The following FMN1 variants were observed in gnomAD, a reference collection of about 807,000 sequenced individuals.
The protein encoded by FMN1 is formin-1.
A neutral mutation model predicts 132.4 loss-of-function variants in FMN1; 110 were observed. The observed-to-expected ratio is 0.83, with a 90% CI of 0.71 to 0.97. FMN1 has a LOEUF of 0.97. FMN1 is among the 50% of genes least tolerant of loss of function. The pLI is 0.00. For missense variants in FMN1, 1,792 were observed against 1,705.3 expected (o/e 1.05, Z -0.90); for synonymous variants, 722 against 651.7 (o/e 1.11, Z -1.64).
chr15:33,002,016 G>A (rs343921), intron 7 of FMN1, among the ~76,000 whole-genome samples: 98,712 of 151,922 alleles, frequency 0.65, 34,790 homozygotes, highest in East Asian at 0.88. Flanking sequence ...ACAATTAAGT[G>A]ATTTCCCTTC....
At chr15:33,191,868 A>G (rs927582079) in intron 2 of FMN1, among the ~76,000 whole-genome samples, 8 of 152,216 alleles carry the variant, frequency 5.3e-5, no homozygotes, top group African/African-American at 1.9e-4. Context: ...GCGTCTCTGC[A>G]AGATCAGGCA....
intron 2 of FMN1, among the ~76,000 whole-genome samples, chr15:33,186,428 C>T (rs1479711583): frequency 6.6e-6 from 1 of 152,052 alleles, no homozygotes; most frequent in Non-Finnish European, 1.5e-5. Flanking sequence ...ATATTTCTGA[C>T]TGTTCTCTAG....
At chr15:32,926,094 G>A in intron 10 of FMN1, 80 bp downstream of exon 10, 1 of 771,110 alleles carries the variant, frequency 1.3e-6, no homozygotes, top group East Asian at 2.7e-5. Context: ...TTCTAACTTT[G>A]TATGTGTTTG....
chr15:32,818,616 G>T (rs1173752112), intron 17 of FMN1, among the ~76,000 whole-genome samples: 1 of 152,154 alleles, frequency 6.6e-6, no homozygotes, highest in East Asian at 1.9e-4. Flanking sequence ...TGCAAAGTAA[G>T]TTGAGATTTC....
rs1458163887 is a variant in FMN1 at position 32,771,052 on chromosome 15, T to A, written c.*3258A>T. ...TGAGATAAAAGCCATACAGCACACC[T>A]CCTAACCTGGTTTTTGATACTTCAT... On this transcript the variant is annotated 3_prime_UTR_variant, in exon 21 of 21. Transcript: ENST00000616417. 1.3e-5 allele frequency: 2 copies of A among 151,084 alleles called. No homozygotes were observed. The highest frequency in any genetic ancestry group is 6.6e-5 in the Admixed American group (1 of 15,150). The allele number at this position is 151,084 out of a possible 1,614,324, so 9.4% of individuals were successfully genotyped here.
intron 6 of FMN1, among the ~76,000 whole-genome samples, chr15:33,032,888 G>C (rs1009789959): frequency 3.3e-5 from 5 of 152,108 alleles, no homozygotes; most frequent in Non-Finnish European, 4.4e-5. Context: ...CTATATATGG[G>C]AATAATGGTG....
chr15:32,791,161 T>C (rs56252644), intron 19 of FMN1, among the ~76,000 whole-genome samples: 5,790 of 151,136 alleles, frequency 0.038, 369 homozygotes, highest in African/African-American at 0.13. Context: ...CTATAGGAAA[T>C]GAGGCTAAAG....
intron 17 of FMN1, among the ~76,000 whole-genome samples, chr15:32,808,325 C>T (rs1173745185): frequency 6.6e-6 from 1 of 152,218 alleles, no homozygotes; most frequent in African/African-American, 2.4e-5. Context: ...GAGCCAATCA[C>T]AGTGTCCTGT....
At position 32,782,058 on chromosome 15, in the gene FMN1, ATC is replaced by A. The variant is rs376153278; in HGVS notation, c.4131-5141_4131-5140del. 1.6e-4 allele frequency among the ~76,000 whole-genome samples: 25 copies of A among 152,302 alleles called. No individual in the cohort carries two copies. In the East Asian group the frequency reaches 4.8e-3, roughly 29 times the overall value. On this transcript the variant is annotated intron_variant, in intron 19 of 20. Transcript: ENST00000616417. ...TGTCAAAGTCATGAAAGCTTCCTTC[ATC>A]TCTCTTAGCCAGAAGTAATTGCTCT...
In FMN1 at chr15:32,768,620, A is replaced by C. The variant is rs560180783; in HGVS notation, c.*5690T>G. On this transcript the variant is annotated 3_prime_UTR_variant, in exon 21 of 21. Coordinates refer to ENST00000616417, the MANE Select transcript of FMN1 (RefSeq NM_001277313.2). ...GGTAGAGGTTGTTTAATCCATGCCAAATTCTTTGGACGTGATTTTCTGCCT... is the reference window on the plus strand; with the variant it reads ...GGTAGAGGTTGTTTAATCCATGCCACATTCTTTGGACGTGATTTTCTGCCT... 6.6e-6 allele frequency: 1 copy of C among 152,322 alleles called. No individual in the cohort carries two copies. Among genetic ancestry groups the C allele is most frequent in the African/African-American group, 2.4e-5 (1 of 41,554 alleles). The allele number at this position is 152,322 out of a possible 1,614,324, so 9.4% of individuals were successfully genotyped here. A position where few individuals can be genotyped will look rare whatever the true frequency, so the allele number is the denominator to read the frequency against.
rs1218513928 is a variant in FMN1 at position 32,964,240 on chromosome 15, G to C, written c.3005C>G (p.Thr1002Ser). Reference protein sequence around the residue: ...ISDRSQNATPTLWDSLEEPDI... With the variant: ...ISDRSQNATPSLWDSLEEPDI... ...AGGTTCTTCTAAGGAGTCCCATAAG[G>C]TTGGTGTAGCATTTTGGCTTAAAAG... Residue 1002 changes from threonine (T) to serine (S), a missense_variant, in exon 9 of 21, where the codon ACC (threonine) becomes AGC (serine). Transcript: ENST00000616417. The C allele has an allele frequency of 1.2e-6, 2 of 1,602,556 alleles. No individual in the cohort carries two copies. Among genetic ancestry groups the C allele is most frequent in the Middle Eastern group, 1.7e-4 (1 of 6,022 alleles).
chr15:32,870,142 T>C (rs890412362), intron 16 of FMN1, among the ~76,000 whole-genome samples: 3 of 152,204 alleles, frequency 2.0e-5, no homozygotes, highest in South Asian at 2.1e-4. Context: ...TGGGATGTTT[T>C]TGATAGTTTC....
intron 10 of FMN1, among the ~76,000 whole-genome samples, chr15:32,922,370 T>C (rs1375912768): frequency 6.6e-6 from 1 of 152,228 alleles, no homozygotes; most frequent in Non-Finnish European, 1.5e-5. Flanking sequence ...AATATATGAC[T>C]TTTATGCATG....
intron 7 of FMN1, among the ~76,000 whole-genome samples, chr15:32,994,870 A>G (rs1042269819): frequency 1.3e-5 from 2 of 152,192 alleles, no homozygotes; most frequent in Non-Finnish European, 2.9e-5. Flanking sequence ...GCCTATGAGT[A>G]TGGACTTATG....
rs575079685 is a variant in FMN1, at chr15:32,900,188, A to T, written c.3508-63T>A. On this transcript the variant is annotated intron_variant, in intron 13 of 20. Transcript: ENST00000616417. ...CCAAATGCACCCATGTTCATTCAGT[A>T]ACAAATATCGACTGTGTACTCAATA... 5.9e-5 allele frequency: 92 copies of T among 1,564,148 alleles called. No individual in the cohort carries two copies. In the African/African-American group the frequency reaches 1.1e-3, roughly 19 times the overall value.
intron 9 of FMN1, among the ~76,000 whole-genome samples, chr15:32,931,446 T>C (rs1278616550): frequency 6.6e-6 from 1 of 152,244 alleles, no homozygotes; most frequent in Non-Finnish European, 1.5e-5. Flanking sequence ...ATTTCATTTT[T>C]TTGGATGTTA....
chr15:32,843,303 G>C (rs2058787004), intron 17 of FMN1, among the ~76,000 whole-genome samples: 1 of 152,120 alleles, frequency 6.6e-6, no homozygotes, highest in African/African-American at 2.4e-5. Flanking sequence ...CAGGACTATG[G>C]AGCTCCATTA....
chr15:33,082,986 A>G (rs2038545079), intron 5 of FMN1, among the ~76,000 whole-genome samples: 1 of 152,142 alleles, frequency 6.6e-6, no homozygotes, highest in Admixed American at 6.5e-5. Context: ...GTCTTTCCAG[A>G]GCTTTGTAGT....
chr15:33,120,016 T>C (rs932364452), intron 4 of FMN1, among the ~76,000 whole-genome samples: 6 of 152,176 alleles, frequency 3.9e-5, no homozygotes, highest in African/African-American at 1.2e-4. Flanking sequence ...GGATTATTAT[T>C]ATCAATTTTA....
Sources: gnomAD v4.1 joint callset for allele counts (sites outside exome capture counted in the v4.1 genomes callset) on GRCh38, gnomAD v4.1.1 for gene constraint, MANE v1.5 for transcripts, NCBI Gene and HGNC (gene_info 2026-07-23, HGNC 2026-07-21) for gene names.